PTPRK: variants seen among roughly 807,000 people sequenced by gnomAD.
PTPRK encodes the protein receptor-type tyrosine-protein phosphatase kappa.
A neutral mutation model predicts 178.0 loss-of-function variants in PTPRK; 75 were observed. The ratio of observed to expected loss-of-function variants is 0.42; its 90% CI spans 0.35 to 0.51. The LOEUF is 0.51. Ranked by LOEUF, PTPRK falls within the 20% of genes least tolerant of loss-of-function variation. PTPRK has a pLI of 0.02. For synonymous variants in PTPRK, 637 were observed against 620.6 expected (o/e 1.03, Z -0.39); for missense variants, 1,441 against 1,797.8 (o/e 0.80, Z 3.59).
chr6:128,419,176 A>T (rs1008162181), intron 1 of PTPRK, among the ~76,000 whole-genome samples: 2 of 152,206 alleles, frequency 1.3e-5, no homozygotes. Context: ...CTGTAAGGAA[A>T]ACACTTGGGG....
chr6:127,986,953 C>T (rs1776047149), intron 21 of PTPRK, among the ~76,000 whole-genome samples: 1 of 152,098 alleles, frequency 6.6e-6, no homozygotes, highest in South Asian at 2.1e-4. Context: ...CTGTAACAAT[C>T]ACAATGATAA....
At chr6:128,381,712 G>A (rs1837940860) in intron 2 of PTPRK, among the ~76,000 whole-genome samples, 1 of 152,032 alleles carries the variant, frequency 6.6e-6, no homozygotes, top group African/African-American at 2.4e-5. Flanking sequence ...ATTTACTGAT[G>A]GGAAAATGGA....
chr6:128,321,949 A>C (rs1212873183), intron 3 of PTPRK, 90 bp downstream of exon 3: 1 of 1,517,502 alleles, frequency 6.6e-7, no homozygotes, highest in South Asian at 1.1e-5. Context: ...ATCTCTCATT[A>C]CCATGAGATG....
intron 13 of PTPRK, among the ~76,000 whole-genome samples, chr6:128,031,268 G>A (rs951231305): frequency 3.9e-5 from 6 of 152,252 alleles, no homozygotes; most frequent in African/African-American, 1.2e-4. Context: ...TTGGCTAAAC[G>A]TACACGACTG....
chr6:128,219,268 A>G (rs1809952225), intron 5 of PTPRK, among the ~76,000 whole-genome samples, 172 bp from the exon 6 acceptor site: 1 of 152,228 alleles, frequency 6.6e-6, no homozygotes, highest in Non-Finnish European at 1.5e-5. Flanking sequence ...CCTCGAAAGC[A>G]GTGGTCCTCA....
At chr6:128,306,170 T>A (rs1208633102) in intron 3 of PTPRK, among the ~76,000 whole-genome samples, 1 of 152,120 alleles carries the variant, frequency 6.6e-6, no homozygotes, top group Non-Finnish European at 1.5e-5. Flanking sequence ...AATTGGGTGG[T>A]GACACAGAGC....
chr6:128,077,289 CA>C (rs1016279915), intron 11 of PTPRK, among the ~76,000 whole-genome samples: 8 of 151,968 alleles, frequency 5.3e-5, no homozygotes, highest in African/African-American at 1.4e-4. Context: ...ACTCACAGAT[CA>C]TTGATTCATG....
chr6:128,414,552 A>G (rs1390617537), intron 1 of PTPRK, among the ~76,000 whole-genome samples: 1 of 152,228 alleles, frequency 6.6e-6, no homozygotes, highest in African/African-American at 2.4e-5. Context: ...AAATGAATCA[A>G]ATAGGTGAGA....
intron 7 of PTPRK, among the ~76,000 whole-genome samples, chr6:128,104,695 G>A (rs919600004): frequency 5.3e-5 from 8 of 152,180 alleles, no homozygotes; most frequent in African/African-American, 1.7e-4. Context: ...GTTACTCTTC[G>A]GTAACAGAAA....
At chr6:128,221,467 T>C (rs1208483519) in intron 5 of PTPRK, among the ~76,000 whole-genome samples, 1 of 150,690 alleles carries the variant, frequency 6.6e-6, no homozygotes, top group Non-Finnish European at 1.5e-5. Context: ...GAGTTTGCAG[T>C]GAGCCGAGAT....
intron 6 of PTPRK, among the ~76,000 whole-genome samples, chr6:128,196,420 A>G (rs1804872288): frequency 6.6e-6 from 1 of 152,126 alleles, no homozygotes. Flanking sequence ...AAGATGCTTA[A>G]CCATGTAAAA....
intron 3 of PTPRK, among the ~76,000 whole-genome samples, chr6:128,314,833 CACT>C (rs1215369907): frequency 2.7e-5 from 4 of 150,440 alleles, no homozygotes; most frequent in Non-Finnish European, 5.9e-5. Flanking sequence ...TTTTCTCCAC[CACT>C]ATTTAAAAAA....
chr6:128,385,499 G>A (rs1447039539), intron 2 of PTPRK, among the ~76,000 whole-genome samples: 3 of 152,048 alleles, frequency 2.0e-5, no homozygotes, highest in African/African-American at 7.2e-5. Context: ...CAATTTATGG[G>A]AAGAACATGG....
intron 24 of PTPRK, 88 bp downstream of exon 24, chr6:127,982,743 T>C: frequency 8.4e-7 from 1 of 1,187,234 alleles, no homozygotes; most frequent in East Asian, 2.3e-5. Flanking sequence ...GTTATAAATT[T>C]GACTTGAAAG....
intron 3 of PTPRK, among the ~76,000 whole-genome samples, chr6:128,246,438 T>C (rs993450047): frequency 2.0e-5 from 3 of 151,582 alleles, no homozygotes; most frequent in Non-Finnish European, 4.4e-5. Flanking sequence ...GGTTCTTTAT[T>C]TAAAAAAAAA....
At chr6:128,279,192 A>G (rs1451914893) in intron 3 of PTPRK, among the ~76,000 whole-genome samples, 1 of 143,746 alleles carries the variant, frequency 7.0e-6, no homozygotes, top group Admixed American at 7.4e-5. Context: ...AAGTCCCCCA[A>G]ATTTCTACTG....
In PTPRK at chr6:128,206,404, A is replaced by AT. The variant is rs1486500886; in HGVS notation, c.868+12517dup. Among the ~76,000 whole-genome samples, 3 of 139,066 alleles carry AT rather than the reference A, an allele frequency of 2.2e-5. No individual in the cohort carries two copies. The East Asian group carries it at 6.8e-4, about 31-fold the overall frequency. The allele number at this position is 139,066 out of a possible 152,430, so 91.2% of individuals were successfully genotyped here. On this transcript the variant is annotated intron_variant, in intron 6 of 29. Coordinates refer to ENST00000368226, the MANE Select transcript of PTPRK (RefSeq NM_002844.4). ...ATGCTGCTAATAATAAAGGGTGTTC[A>AT]TTAAAAAAAAAAAAAAAAAAAATCA...
intron 13 of PTPRK, among the ~76,000 whole-genome samples, chr6:128,013,704 C>T (rs1286684365): frequency 6.6e-6 from 1 of 151,564 alleles, no homozygotes; most frequent in East Asian, 1.9e-4. Flanking sequence ...TGCACAGTCA[C>T]TTTCTCACAC....
intron 2 of PTPRK, among the ~76,000 whole-genome samples, chr6:128,381,574 G>A (rs905019330): frequency 1.3e-5 from 2 of 152,124 alleles, no homozygotes; most frequent in African/African-American, 4.8e-5. Context: ...TTGGGCCAGA[G>A]GGAAGGAGGC....
Sources: allele counts gnomAD v4.1 joint callset (sites outside exome capture counted in the v4.1 genomes callset), GRCh38; gene constraint gnomAD v4.1.1; transcripts MANE v1.5; gene names NCBI Gene and HGNC (gene_info 2026-07-23, HGNC 2026-07-21).